DAAM1: variants seen among roughly 807,000 people sequenced by gnomAD.
DAAM1 encodes dishevelled associated activator of morphogenesis 1.
Under a neutral mutation model 130.0 loss-of-function variants are expected in DAAM1, and 52 were observed. The ratio of observed to expected loss-of-function variants is 0.40; its 90% confidence interval spans 0.32 to 0.50. The LOEUF is 0.50. DAAM1 is among the 20% of genes least tolerant of loss of function. DAAM1 has a pLI of 0.61. For synonymous variants in DAAM1, 452 were observed against 444.5 expected, an observed-to-expected ratio of 1.02 and a Z score of -0.21; for missense variants, 1,134 against 1,303.8, an observed-to-expected ratio of 0.87 and a Z score of 2.01.
intron 1 of DAAM1, among the ~76,000 whole-genome samples, chr14:59,224,403 C>A (rs1390740673): frequency 1.3e-5 from 2 of 152,186 alleles, no homozygotes; most frequent in African/African-American, 2.4e-5. Context: ...CTCTGTAAAC[C>A]CTCTAGGAAT....
chr14:59,348,533 C>A lies in DAAM1; in HGVS notation c.2160+910C>A, dbSNP rs376805171. Among the ~76,000 whole-genome samples, 23 of 152,220 alleles carry A rather than the reference C, an allele frequency of 1.5e-4. 2 individuals carry two copies. Among genetic ancestry groups the A allele is most frequent in the Admixed American group, 8.5e-4 (13 of 15,294 alleles). ...TGTCTCATTGTTTTGGGGATGGGCTCACATTTTGAGTGGTTTTGGTCAATA... is the reference window on the plus strand; with the variant it reads ...TGTCTCATTGTTTTGGGGATGGGCTAACATTTTGAGTGGTTTTGGTCAATA... On this transcript the variant is annotated intron_variant, in intron 17 of 24. Transcript: ENST00000360909.
At position 59,217,155 on chromosome 14, in the gene DAAM1, G is replaced by A. The variant is rs1181599714; in HGVS notation, c.-38+28387G>A. On this transcript the variant is annotated intron_variant, in intron 1 of 24. Coordinates refer to ENST00000360909, the MANE Select transcript of DAAM1 (RefSeq NM_001270520.2). ...AGGTAGGGTAACCTGGCTCTTCCTAGTCTGAATCTGGGCCTTTTTTGTTGC... is the reference window on the plus strand; with the variant it reads ...AGGTAGGGTAACCTGGCTCTTCCTAATCTGAATCTGGGCCTTTTTTGTTGC... Among the ~76,000 whole-genome samples, 3 of 152,144 alleles carry A rather than the reference G, an allele frequency of 2.0e-5. 1 individual carries two copies. The South Asian group carries it at 6.2e-4, about 32-fold the overall frequency.
chr14:59,315,431 G>A (rs563162279), intron 4 of DAAM1, 80 bp downstream of exon 4: 88 of 1,323,032 alleles, frequency 6.7e-5, no homozygotes, highest in South Asian at 4.2e-4. Context: ...CAATAAATTC[G>A]ATTGAGTATG....
chr14:59,225,678 C>T lies in DAAM1; in HGVS notation c.-38+36910C>T, dbSNP rs200664258. On this transcript the variant is annotated intron_variant, in intron 1 of 24. Coordinates refer to ENST00000360909, the MANE Select transcript of DAAM1 (RefSeq NM_001270520.2). Reference sequence around the variant, plus strand: ...CAGTAGAGTGCTCACAGAGATCTGGCGGACAGAGATCTTGATTTGAGGCTG... The same window carrying T: ...CAGTAGAGTGCTCACAGAGATCTGGTGGACAGAGATCTTGATTTGAGGCTG... Among the ~76,000 whole-genome samples, 12 of 149,870 alleles carry T rather than the reference C, an allele frequency of 8.0e-5. No individual in the cohort carries two copies. In the East Asian group the frequency reaches 2.3e-3, roughly 28 times the overall value.
At chr14:59,352,436 A>G in intron 17 of DAAM1, 90 bp from the exon 18 acceptor site, 1 of 941,068 alleles carries the variant, frequency 1.1e-6, no homozygotes, top group Non-Finnish European at 1.6e-6. Flanking sequence ...TTAACATTTT[A>G]TCTTGGGACA....
intron 12 of DAAM1, among the ~76,000 whole-genome samples, chr14:59,327,621 A>C (rs1395515702): frequency 6.6e-6 from 1 of 151,800 alleles, no homozygotes; most frequent in Non-Finnish European, 1.5e-5. Context: ...GTTAGTCAGG[A>C]TGGTCTCAAT....
intron 1 of DAAM1, among the ~76,000 whole-genome samples, chr14:59,201,109 G>A (rs1888088522): frequency 6.7e-6 from 1 of 149,102 alleles, no homozygotes; most frequent in African/African-American, 2.5e-5. Context: ...TGCAGTGAGC[G>A]GAGGTTGTGA....
chr14:59,317,243 CT>C (rs1884827641), intron 4 of DAAM1, among the ~76,000 whole-genome samples: 1 of 152,222 alleles, frequency 6.6e-6, no homozygotes, highest in Non-Finnish European at 1.5e-5. Context: ...GAGCCAACAT[CT>C]TTCCAGGGTC....
At chr14:59,267,729 A>T (rs1253274741) in intron 2 of DAAM1, among the ~76,000 whole-genome samples, 1 of 152,074 alleles carries the variant, frequency 6.6e-6, no homozygotes, top group Non-Finnish European at 1.5e-5. Flanking sequence ...GTCTCTGAGA[A>T]TTTGGCTACT....
rs1389521828 is a variant in DAAM1 at position 59,209,857 on chromosome 14, C to T, written c.-38+21089C>T. On this transcript the variant is annotated intron_variant, in intron 1 of 24. Transcript: ENST00000360909. ...AGGGGCCAGGCACAGTGACTCATGC[C>T]TGTAATTACAACACTTTGGGAGGCC... Among the ~76,000 whole-genome samples the T allele has an allele frequency of 2.6e-5, 4 of 152,180 alleles. No homozygotes were observed. In the South Asian group the frequency reaches 8.3e-4, roughly 32 times the overall value.
intron 1 of DAAM1, among the ~76,000 whole-genome samples, chr14:59,211,033 G>A (rs1300416707): frequency 1.3e-5 from 2 of 152,064 alleles, no homozygotes; most frequent in Admixed American, 6.6e-5. Context: ...CTGTACTTAC[G>A]GTCCAATTGC....
At chr14:59,272,526 G>A (rs1010841997) in intron 2 of DAAM1, among the ~76,000 whole-genome samples, 24 of 152,002 alleles carry the variant, frequency 1.6e-4, no homozygotes, top group African/African-American at 5.6e-4. Flanking sequence ...GCAGTGAGCC[G>A]AGGTCGGGCC....
rs577753772 is a variant in DAAM1 at position 59,266,500 on chromosome 14, C to T, written c.183+2840C>T. ...CACTCTCTCTGCCTTATTGATGTCTCCATTCTGTGTGAAAATTGCCTACAG... is the reference window on the plus strand; with the variant it reads ...CACTCTCTCTGCCTTATTGATGTCTTCATTCTGTGTGAAAATTGCCTACAG... On this transcript the variant is annotated intron_variant, in intron 2 of 24. Coordinates refer to ENST00000360909, the MANE Select transcript of DAAM1 (RefSeq NM_001270520.2). 5.3e-5 allele frequency among the ~76,000 whole-genome samples: 8 copies of T among 152,334 alleles called. No homozygotes were observed. The East Asian group carries it at 1.5e-3, about 29-fold the overall frequency.
chr14:59,366,933 A>AG (rs1886939542), intron 23 of DAAM1, among the ~76,000 whole-genome samples: 2 of 149,934 alleles, frequency 1.3e-5, no homozygotes, highest in African/African-American at 4.9e-5. Flanking sequence ...AAAAAAAAAA[A>AG]CTAATAACAT....
chr14:59,356,758 C>A (rs1566721917), intron 20 of DAAM1, among the ~76,000 whole-genome samples: 1 of 152,214 alleles, frequency 6.6e-6, no homozygotes, highest in Non-Finnish European at 1.5e-5. Flanking sequence ...AATAACCTGG[C>A]ACTTACGTGA....
chr14:59,326,436 C>G (rs531045209), intron 10 of DAAM1, 74 bp from the exon 11 acceptor site: 2 of 1,466,254 alleles, frequency 1.4e-6, no homozygotes, highest in Non-Finnish European at 1.8e-6. Context: ...TAAAGGGTGA[C>G]CACCATTGAC....
At chr14:59,209,408 G>A (rs1356470449) in intron 1 of DAAM1, among the ~76,000 whole-genome samples, 1 of 152,128 alleles carries the variant, frequency 6.6e-6, no homozygotes, top group Non-Finnish European at 1.5e-5. Context: ...AACAAAAGGT[G>A]CGTAATTTTC....
chr14:59,301,800 A>C (rs1450132184), intron 3 of DAAM1, among the ~76,000 whole-genome samples: 1 of 152,146 alleles, frequency 6.6e-6, no homozygotes, highest in African/African-American at 2.4e-5. Flanking sequence ...TCTATCCCCC[A>C]TTCCTAAATT....
In DAAM1 at chr14:59,370,195, T is replaced by C. The variant is rs971151556; in HGVS notation, c.*1336T>C. ...TGGCTTTGCTTTATTTATTTGTAGT[T>C]GGGGGCTAACGTTTTCTCTTTTCTT... On this transcript the variant is annotated 3_prime_UTR_variant, in exon 25 of 25. Transcript: ENST00000360909. 2 of 145,612 alleles carry C rather than the reference T, an allele frequency of 1.4e-5. No homozygotes were observed. The highest frequency in any genetic ancestry group is 3.0e-5 in the Non-Finnish European group (2 of 66,512). The allele number at this position is 145,612 out of a possible 1,614,324, so 9.0% of individuals were successfully genotyped here.
Sources: allele counts gnomAD v4.1 joint callset (sites outside exome capture counted in the v4.1 genomes callset), GRCh38; gene constraint gnomAD v4.1.1; transcripts MANE v1.5; gene names NCBI Gene and HGNC (gene_info 2026-07-23, HGNC 2026-07-21).